Variants in EVL observed in about 807,000 individuals in gnomAD.
EVL encodes Enah/Vasp-like, also known as ena/VASP-like protein.
EVL carries 21 observed loss-of-function variants against 59.6 expected under a neutral mutation model. The ratio of observed to expected loss-of-function variants is 0.35; its 90% CI spans 0.25 to 0.51. The LOEUF is 0.51. Among genes scored for constraint, EVL ranks in the 20% least tolerant of loss-of-function variants. EVL has a pLI of 0.97. For missense variants in EVL, 462 were observed against 546.6 expected, an observed-to-expected ratio of 0.85 and a Z score of 1.54; for synonymous variants, 198 against 203.5, an observed-to-expected ratio of 0.97 and a Z score of 0.23.
chr14:100,141,110 G>A, intron 11 of EVL, 70 bp from the exon 12 acceptor site: 1 of 1,514,410 alleles, frequency 6.6e-7, no homozygotes, highest in Non-Finnish European at 9.1e-7. Flanking sequence ...CCTGAGCGGG[G>A]CCTCTGCACA....
intron 1 of EVL, among the ~76,000 whole-genome samples, chr14:100,012,487 C>A (rs1301437212): frequency 6.6e-6 from 1 of 152,220 alleles, no homozygotes; most frequent in Non-Finnish European, 1.5e-5. Context: ...CAGGGTGACA[C>A]TGGAGCAGCT....
Position 100,018,509 on chromosome 14 carries a change from T to C in EVL, c.5+46452T>C, listed in dbSNP as rs373254681. ...TTAAACAGAGGCATCAAAATCAGAA[T>C]TGGTAACTGGTTTTCCTTCTTCCAC... On this transcript the variant is annotated intron_variant, in intron 1 of 13. Coordinates refer to the EVL transcript ENST00000402714. Among the ~76,000 whole-genome samples, 59 of 152,260 alleles carry C rather than the reference T, an allele frequency of 3.9e-4. No individual in the cohort carries two copies. The East Asian group carries it at 9.3e-3, about 24-fold the overall frequency.
chr14:99,979,576 AAG>A (rs1390725952), intron 1 of EVL, among the ~76,000 whole-genome samples: 1 of 152,138 alleles, frequency 6.6e-6, no homozygotes, highest in Admixed American at 6.5e-5. Flanking sequence ...TTTTTAAAAA[AAG>A]GATGGTTGTG....
chr14:100,061,340 G>A (rs531556166), upstream of EVL, among the ~76,000 whole-genome samples: 1 of 146,462 alleles, frequency 6.8e-6, no homozygotes, highest in South Asian at 2.2e-4. Flanking sequence ...ATTTGAGCCT[G>A]GGAGGCAGAG....
chr14:100,113,424 C>T (rs771664647), intron 3 of EVL, among the ~76,000 whole-genome samples: 4 of 152,130 alleles, frequency 2.6e-5, no homozygotes, highest in African/African-American at 7.2e-5. Flanking sequence ...GAGCACTCAG[C>T]GGTGGGTGTT....
At chr14:100,076,049 A>G (rs2062154327) in intron 1 of EVL, among the ~76,000 whole-genome samples, 1 of 152,250 alleles carries the variant, frequency 6.6e-6, no homozygotes, top group South Asian at 2.1e-4. Flanking sequence ...AAGCAATGAC[A>G]ATGTGAGCTT....
intron 1 of EVL, among the ~76,000 whole-genome samples, chr14:100,083,172 T>C (rs1392625379): frequency 1.3e-5 from 2 of 152,214 alleles, no homozygotes; most frequent in Non-Finnish European, 2.9e-5. Flanking sequence ...AAGACCATGC[T>C]GCATCTCAGG....
At chr14:100,043,564 T>C (rs2061501199) in intron 1 of EVL, among the ~76,000 whole-genome samples, 1 of 148,884 alleles carries the variant, frequency 6.7e-6, no homozygotes, top group Admixed American at 6.7e-5. Context: ...AGAAGAAGTG[T>C]CCCAGCTCCA....
In EVL at chr14:100,127,397, A is replaced by G. The variant is rs1454026585; in HGVS notation, c.487+626A>G. ...CACCCTATGAAGTGAGCAGGTGACT[A>G]TTATCCTGTTGACTGATGAGAAACC... On this transcript the variant is annotated intron_variant, in intron 5 of 13. Coordinates refer to ENST00000392920, the MANE Select transcript of EVL (RefSeq NM_016337.3). This position sits in a 1 kb window ranked among gnomAD's most constrained non-coding sequence, Gnocchi z 4.2. 6.6e-6 allele frequency among the ~76,000 whole-genome samples: 1 copy of G among 152,144 alleles called. No individual in the cohort carries two copies.
intron 1 of EVL, among the ~76,000 whole-genome samples, chr14:100,018,203 G>A (rs1389816961): frequency 2.0e-5 from 3 of 152,216 alleles, no homozygotes. Context: ...AGAGCAGTGC[G>A]CTGCCCTGTG....
At chr14:100,141,045 G>A in intron 11 of EVL, 135 bp from the exon 12 acceptor site, 1 of 715,972 alleles carries the variant, frequency 1.4e-6, no homozygotes, top group Non-Finnish European at 2.3e-6. Context: ...AGTCTGAGGT[G>A]GCCAGAGTCT....
chr14:100,097,719 C>G, intron 3 of EVL, 61 bp downstream of exon 3: 1 of 1,498,206 alleles, frequency 6.7e-7, no homozygotes. Context: ...CTCTGCCCTC[C>G]CACAGCTCTG....
intron 1 of EVL, among the ~76,000 whole-genome samples, chr14:100,072,738 T>G (rs1319700682): frequency 6.6e-6 from 1 of 152,228 alleles, no homozygotes; most frequent in Non-Finnish European, 1.5e-5. Context: ...TGGGCAGGTT[T>G]AGTGAAAGGT....
At chr14:100,056,018 G>A (rs924659938) in intron 1 of EVL, among the ~76,000 whole-genome samples, 1 of 151,952 alleles carries the variant, frequency 6.6e-6, no homozygotes, top group Non-Finnish European at 1.5e-5. Context: ...CACCATGTTG[G>A]CCGGGCTGGT....
chr14:100,129,993 A>G (rs1328173636), intron 7 of EVL, among the ~76,000 whole-genome samples: 1 of 152,244 alleles, frequency 6.6e-6, no homozygotes, highest in Non-Finnish European at 1.5e-5. Context: ...AATGCGGGAA[A>G]AAGAACAGTC....
In EVL at chr14:100,126,738, C is replaced by G. The variant is rs1008598694; in HGVS notation, c.454C>G (p.Gln152Glu). 2 of 1,614,148 alleles carry G rather than the reference C, an allele frequency of 1.2e-6. No individual in the cohort carries two copies. Among genetic ancestry groups the G allele is most frequent in the Non-Finnish European group, 1.7e-6 (2 of 1,180,028 alleles). The stretch of plus-strand genomic sequence containing the variant: ...GATGGAGCAGCACCAGCAGCAGCGT[C>G]AGGAATCTCTAGAAAGAAGAACCTC... ...QVMEQHQQQRQESLERRTSAT... is the reference protein window; with the variant it reads ...QVMEQHQQQREESLERRTSAT... Residue 152 changes from glutamine (Q) to glutamate (E), a missense_variant, in exon 5 of 14, where the codon CAG (glutamine) becomes GAG (glutamate). Transcript: ENST00000392920.
rs1276870722 is a variant in EVL, at chr14:100,013,690, C to T, written c.5+41633C>T. On this transcript the variant is annotated intron_variant, in intron 1 of 13. Coordinates refer to the EVL transcript ENST00000402714. ...TTTCCATTTGTGGCTCCTTGTGTTTCATCTCCACACAGCACAGGTGGAGGT... is the reference window on the plus strand; with the variant it reads ...TTTCCATTTGTGGCTCCTTGTGTTTTATCTCCACACAGCACAGGTGGAGGT... 2.6e-5 allele frequency among the ~76,000 whole-genome samples: 4 copies of T among 152,230 alleles called. No individual in the cohort carries two copies. The East Asian group carries it at 5.8e-4, about 22-fold the overall frequency.
intron 1 of EVL, among the ~76,000 whole-genome samples, chr14:100,009,891 G>A (rs2061005575): frequency 6.6e-6 from 1 of 152,236 alleles, no homozygotes; most frequent in Admixed American, 6.5e-5. Flanking sequence ...ACATTTTCTG[G>A]TTGGAAATTG....
chr14:100,072,756 T>C (rs966564229), intron 1 of EVL, among the ~76,000 whole-genome samples: 4 of 152,136 alleles, frequency 2.6e-5, no homozygotes, highest in Admixed American at 2.6e-4. Context: ...GGTAAAAGAG[T>C]GTCCCTTACA....
Sources: allele counts gnomAD v4.1 joint callset (sites outside exome capture counted in the v4.1 genomes callset), GRCh38; gene constraint gnomAD v4.1.1; non-coding constraint Gnocchi (gnomAD v3.1); transcripts MANE v1.5; gene names NCBI Gene and HGNC (gene_info 2026-07-23, HGNC 2026-07-21).